PPP2R2B: variants seen among roughly 807,000 people sequenced by gnomAD.
PPP2R2B encodes serine/threonine-protein phosphatase 2A 55 kDa regulatory subunit B beta isoform.
Under a neutral mutation model 46.0 loss-of-function variants are expected in PPP2R2B, and 5 were observed. The ratio of observed to expected loss-of-function variants is 0.11; its 90% CI spans 0.06 to 0.23. PPP2R2B has a LOEUF of 0.23. PPP2R2B is among the 10% of genes least tolerant of loss of function. The pLI is 1.00. For synonymous variants in PPP2R2B, 215 were observed against 206.7 expected (o/e 1.04, Z -0.34); for missense variants, 367 against 575.0 (o/e 0.64, Z 3.70).
chr5:146,684,869 C>T lies in PPP2R2B; in HGVS notation c.447+6259G>A, dbSNP rs188971916. 2.6e-5 allele frequency among the ~76,000 whole-genome samples: 4 copies of T among 152,256 alleles called. No individual in the cohort carries two copies. In the East Asian group the frequency reaches 7.7e-4, roughly 29 times the overall value. ...TCATTTCTTAGAGTCCAACTCAAAC[C>T]TTCTAAACCAGCATCCCTAGTGACG... On this transcript the variant is annotated intron_variant, in intron 5 of 9. Coordinates refer to ENST00000394411, the MANE Select transcript of PPP2R2B (RefSeq NM_181675.4).
At chr5:146,851,247 C>T (rs1373609871) in intron 2 of PPP2R2B, among the ~76,000 whole-genome samples, 1 of 152,026 alleles carries the variant, frequency 6.6e-6, no homozygotes, top group East Asian at 1.9e-4. Context: ...TGGGCTCAAG[C>T]TCTCATCATT....
At chr5:147,028,373 TACC>T (rs899907983) in intron 1 of PPP2R2B, among the ~76,000 whole-genome samples, 15 of 152,170 alleles carry the variant, frequency 9.9e-5, no homozygotes, top group Non-Finnish European at 5.9e-5. Context: ...TCACCCATTT[TACC>T]ACCACCTAGA....
intron 2 of PPP2R2B, among the ~76,000 whole-genome samples, chr5:147,067,344 CAGTCT>C (rs754210804): frequency 3.5e-4 from 54 of 152,126 alleles, no homozygotes; most frequent in Admixed American, 9.2e-4. Context: ...TAGTAATTAT[CAGTCT>C]ACTCTCTGGT....
At chr5:146,799,959 T>C (rs890407178) in intron 2 of PPP2R2B, among the ~76,000 whole-genome samples, 3 of 152,056 alleles carry the variant, frequency 2.0e-5, no homozygotes, top group Non-Finnish European at 4.4e-5. Flanking sequence ...AGAAGAGGGA[T>C]TGCAGGGAAA....
In PPP2R2B at chr5:146,976,428, T is replaced by C. The variant is rs542534156; in HGVS notation, c.79+79237A>G. On this transcript the variant is annotated intron_variant, in intron 1 of 8. Coordinates refer to the PPP2R2B transcript ENST00000336640. ...CTGGGATTGCAGGCAGAAGCCACCA[T>C]GCCCGGCCAACAGTTTTATAGTTTT... 2.0e-4 allele frequency among the ~76,000 whole-genome samples: 30 copies of C among 152,214 alleles called. 1 individual carries two copies. Among genetic ancestry groups the C allele is most frequent in the Non-Finnish European group, 4.1e-4 (28 of 68,008 alleles).
chr5:146,623,042 T>C (rs1250237774), intron 7 of PPP2R2B, among the ~76,000 whole-genome samples: 1 of 152,214 alleles, frequency 6.6e-6, no homozygotes, highest in African/African-American at 2.4e-5. Flanking sequence ...ATAACTACAA[T>C]TTAGTATCCA....
intron 2 of PPP2R2B, among the ~76,000 whole-genome samples, chr5:146,771,305 T>A (rs1263121547): frequency 6.6e-6 from 1 of 152,226 alleles, no homozygotes. Flanking sequence ...TTAAGTGACT[T>A]GACAATCTGG....
intron 2 of PPP2R2B, among the ~76,000 whole-genome samples, chr5:146,725,217 C>G (rs528114550): frequency 2.0e-5 from 3 of 152,146 alleles, no homozygotes; most frequent in African/African-American, 7.2e-5. Context: ...TTTGAGTACC[C>G]GACTGTATTT....
intron 7 of PPP2R2B, among the ~76,000 whole-genome samples, chr5:146,623,793 G>A (rs1316091326): frequency 6.6e-6 from 1 of 152,158 alleles, no homozygotes; most frequent in Non-Finnish European, 1.5e-5. Flanking sequence ...TGATAATGAT[G>A]GAAGGCCAGC....
intron 2 of PPP2R2B, among the ~76,000 whole-genome samples, chr5:146,785,849 T>C (rs564888872): frequency 6.6e-6 from 1 of 152,208 alleles, no homozygotes; most frequent in East Asian, 1.9e-4. Context: ...AGGTAGATAG[T>C]AGAGTGGCAG....
chr5:147,008,583 G>A (rs889689793), intron 1 of PPP2R2B, among the ~76,000 whole-genome samples: 2 of 152,008 alleles, frequency 1.3e-5, no homozygotes, highest in Non-Finnish European at 1.5e-5. Context: ...TATAAAATGG[G>A]CTTCCATGCT....
At chr5:146,954,449 G>A (rs1291739015) in intron 1 of PPP2R2B, among the ~76,000 whole-genome samples, 4 of 152,158 alleles carry the variant, frequency 2.6e-5, no homozygotes, top group Admixed American at 2.0e-4. Context: ...TCATAAGTGG[G>A]AGCTAAGCTA....
intron 4 of PPP2R2B, among the ~76,000 whole-genome samples, chr5:146,695,337 C>CAGTATAATGAGA (rs1404463222): frequency 6.6e-6 from 1 of 151,726 alleles, no homozygotes; most frequent in Non-Finnish European, 1.5e-5. Flanking sequence ...AAAACAAATT[C>CAGTATAATGAGA]AGTATACCCC....
chr5:146,872,975 T>G (rs576353696), intron 2 of PPP2R2B, among the ~76,000 whole-genome samples: 3 of 152,310 alleles, frequency 2.0e-5, no homozygotes, highest in Non-Finnish European at 2.9e-5. Context: ...TGGTGATGTT[T>G]AATCTCAAAT....
intron 2 of PPP2R2B, among the ~76,000 whole-genome samples, chr5:146,765,748 C>T (rs1395894784): frequency 6.6e-6 from 1 of 152,164 alleles, no homozygotes; most frequent in Non-Finnish European, 1.5e-5. Context: ...TTTCACACCA[C>T]AGGAAGTGAT....
At chr5:146,653,322 G>A (rs1209316894) in intron 5 of PPP2R2B, among the ~76,000 whole-genome samples, 3 of 152,162 alleles carry the variant, frequency 2.0e-5, no homozygotes, top group African/African-American at 7.2e-5. Flanking sequence ...AGTGTTACTG[G>A]TAGTTATAAT....
chr5:146,810,830 A>T (rs548476411), intron 2 of PPP2R2B, among the ~76,000 whole-genome samples: 1 of 151,372 alleles, frequency 6.6e-6, no homozygotes, highest in Non-Finnish European at 1.5e-5. Context: ...CCCATTAACT[A>T]GTCATTTACA....
At chr5:146,779,278 G>A (rs1755365668) in intron 2 of PPP2R2B, among the ~76,000 whole-genome samples, 1 of 152,190 alleles carries the variant, frequency 6.6e-6, no homozygotes, top group Non-Finnish European at 1.5e-5. Flanking sequence ...GGAGACTGAA[G>A]GGGCTGGATG....
chr5:146,726,795 A>C (rs1053303920), intron 2 of PPP2R2B, among the ~76,000 whole-genome samples: 1 of 152,106 alleles, frequency 6.6e-6, no homozygotes, highest in Admixed American at 6.6e-5. Context: ...AAATTATCCA[A>C]AGTCGCTTAT....
Sources: allele counts gnomAD v4.1 joint callset (sites outside exome capture counted in the v4.1 genomes callset), GRCh38; gene constraint gnomAD v4.1.1; transcripts MANE v1.5; gene names NCBI Gene and HGNC (gene_info 2026-07-23, HGNC 2026-07-21).